The following ZNF385D variants were observed in gnomAD, a reference collection of about 807,000 sequenced individuals.
ZNF385D encodes the protein zinc finger protein 385D.
Under a neutral mutation model 35.8 loss-of-function variants are expected in ZNF385D, and 15 were observed. The ratio of observed to expected loss-of-function variants is 0.42; its 90% CI spans 0.28 to 0.64. The LOEUF is 0.64. Ranked by LOEUF, ZNF385D falls within the 30% of genes least tolerant of loss-of-function variation. The pLI is 0.23. For synonymous variants in ZNF385D, 212 were observed against 186.8 expected, an observed-to-expected ratio of 1.13 and a Z score of -1.10; for missense variants, 474 against 494.6, an observed-to-expected ratio of 0.96 and a Z score of 0.39.
chr3:21,758,985 A>AC (rs1553654553), intron 3 of ZNF385D, among the ~76,000 whole-genome samples: 2 of 144,066 alleles, frequency 1.4e-5, no homozygotes, highest in African/African-American at 2.7e-5. Flanking sequence ...CAAAAAAAAA[A>AC]AAAAAAAAAA....
chr3:21,436,941 G>A (rs755919604), intron 5 of ZNF385D, 29 bp downstream of exon 5: 41 of 1,601,410 alleles, frequency 2.6e-5, no homozygotes, highest in Admixed American at 5.1e-5. Flanking sequence ...CAGAGCTGTT[G>A]AAACAAAAAA....
At chr3:21,835,978 A>G (rs1695304268) in intron 3 of ZNF385D, among the ~76,000 whole-genome samples, 1 of 152,060 alleles carries the variant, frequency 6.6e-6, no homozygotes, top group South Asian at 2.1e-4. Context: ...TGAGGAGTGA[A>G]TAGTCTATAG....
At chr3:21,767,208 T>C (rs1023311359) in intron 3 of ZNF385D, among the ~76,000 whole-genome samples, 7 of 152,028 alleles carry the variant, frequency 4.6e-5, no homozygotes, top group Non-Finnish European at 1.0e-4. Flanking sequence ...CAGTGTGAGA[T>C]AGCCACCTTT....
chr3:21,660,215 A>G (rs2066196395), intron 2 of ZNF385D, among the ~76,000 whole-genome samples: 1 of 152,060 alleles, frequency 6.6e-6, no homozygotes, highest in Non-Finnish European at 1.5e-5. Context: ...ACAGAGTAAA[A>G]TTTCATATGC....
chr3:21,766,492 G>A (rs1160193235), intron 3 of ZNF385D, among the ~76,000 whole-genome samples: 1 of 152,072 alleles, frequency 6.6e-6, no homozygotes, highest in South Asian at 2.1e-4. Context: ...GAAAGAGTAC[G>A]ATCATGCCAT....
At chr3:22,279,202 T>C (rs1701590264) in intron 2 of ZNF385D, among the ~76,000 whole-genome samples, 1 of 151,998 alleles carries the variant, frequency 6.6e-6, no homozygotes, top group Admixed American at 6.6e-5. Flanking sequence ...CTTGGTGTAC[T>C]CATCACCCAA....
chr3:21,940,208 GA>G (rs1184586586), intron 3 of ZNF385D, among the ~76,000 whole-genome samples: 1 of 151,814 alleles, frequency 6.6e-6, no homozygotes, highest in Non-Finnish European at 1.5e-5. Flanking sequence ...TTCAACATAT[GA>G]AAAAAATTTT....
intron 3 of ZNF385D, among the ~76,000 whole-genome samples, chr3:21,922,895 T>C (rs1023138430): frequency 6.6e-6 from 1 of 152,008 alleles, no homozygotes; most frequent in African/African-American, 2.4e-5. Flanking sequence ...CTGACCAAGG[T>C]CTAATATGGA....
chr3:21,775,701 A>C lies in ZNF385D; in HGVS notation c.326-110673T>G, dbSNP rs561732742. ...TCCCCCAAATTAAATTTTATACTGA[A>C]ATATACAAAGTATTCGATGACAGGA... is the stretch of plus-strand genomic sequence containing the variant. On this transcript the variant is annotated intron_variant, in intron 3 of 5. Coordinates refer to the ZNF385D transcript ENST00000494108. Among the ~76,000 whole-genome samples, 5 of 152,000 alleles carry C rather than the reference A, an allele frequency of 3.3e-5. No individual in the cohort carries two copies. In the South Asian group the frequency reaches 1.0e-3, roughly 31 times the overall value.
At chr3:21,885,650 C>G (rs1468719356) in intron 3 of ZNF385D, among the ~76,000 whole-genome samples, 1 of 151,386 alleles carries the variant, frequency 6.6e-6, no homozygotes, top group Non-Finnish European at 1.5e-5. Context: ...TAAGTTGTTA[C>G]ACAAATTTTA....
At chr3:21,868,210 C>T (rs952514665) in intron 3 of ZNF385D, among the ~76,000 whole-genome samples, 13 of 152,106 alleles carry the variant, frequency 8.5e-5, no homozygotes, top group African/African-American at 3.1e-4. Flanking sequence ...AATTTTTCAA[C>T]TCACTTATTG....
intron 3 of ZNF385D, among the ~76,000 whole-genome samples, chr3:21,773,327 G>T (rs1348002551): frequency 6.6e-6 from 1 of 151,772 alleles, no homozygotes; most frequent in Admixed American, 6.6e-5. Context: ...TTTGGAATAG[G>T]TTTCTCTTTT....
At chr3:22,106,611 G>T (rs910025245) in intron 3 of ZNF385D, among the ~76,000 whole-genome samples, 5 of 152,050 alleles carry the variant, frequency 3.3e-5, no homozygotes, top group Non-Finnish European at 5.9e-5. Flanking sequence ...TGCCCCCTTG[G>T]TTTAATACCA....
intron 4 of ZNF385D, among the ~76,000 whole-genome samples, chr3:21,468,645 G>C (rs1156295178): frequency 6.6e-6 from 1 of 152,106 alleles, no homozygotes; most frequent in Admixed American, 6.5e-5. Flanking sequence ...CGTAGTATGG[G>C]CAGGGGGCGG....
At chr3:22,302,269 T>C (rs1277820589) in intron 2 of ZNF385D, among the ~76,000 whole-genome samples, 1 of 152,034 alleles carries the variant, frequency 6.6e-6, no homozygotes, top group East Asian at 1.9e-4. Flanking sequence ...CACATCTTCA[T>C]CAACACTTAG....
intron 3 of ZNF385D, among the ~76,000 whole-genome samples, chr3:21,838,378 G>C (rs1381700375): frequency 6.6e-6 from 1 of 152,146 alleles, no homozygotes; most frequent in Middle Eastern, 3.2e-3. Context: ...GTGATGGTCA[G>C]TCAGAATCTT....
intron 3 of ZNF385D, among the ~76,000 whole-genome samples, chr3:21,959,410 C>T (rs1842309): frequency 0.68 from 103,956 of 151,992 alleles, 36,699 homozygotes; most frequent in Non-Finnish European, 0.77. Flanking sequence ...ATTTATAAAG[C>T]TGTAAAATAC....
intron 1 of ZNF385D, among the ~76,000 whole-genome samples, chr3:21,724,225 A>G (rs543102132): frequency 1.3e-5 from 2 of 152,178 alleles, no homozygotes. Context: ...CATCGACACT[A>G]TGAAGGAACT....
intron 3 of ZNF385D, among the ~76,000 whole-genome samples, chr3:22,034,547 AAAAAG>A (rs1698198499): frequency 6.6e-6 from 1 of 152,228 alleles, no homozygotes; most frequent in South Asian, 2.1e-4. Flanking sequence ...AAAATGAGGA[AAAAAG>A]AAATCAATTT....
Sources: allele counts gnomAD v4.1 joint callset (sites outside exome capture counted in the v4.1 genomes callset), GRCh38; gene constraint gnomAD v4.1.1; transcripts MANE v1.5; gene names NCBI Gene and HGNC (gene_info 2026-07-23, HGNC 2026-07-21).